The following ADIPOR1 variants were observed in gnomAD, a reference collection of about 807,000 sequenced individuals.
ADIPOR1 encodes adiponectin receptor 1.
In ADIPOR1, 15 loss-of-function variants were observed where a neutral mutation model predicts 37.5. The ratio of observed to expected loss-of-function variants is 0.40; its 90% CI spans 0.27 to 0.62. ADIPOR1 has a LOEUF of 0.62. ADIPOR1 is among the 20% of genes least tolerant of loss of function. ADIPOR1 has a pLI of 0.42. For missense variants in ADIPOR1, 286 were observed against 478.0 expected, an observed-to-expected ratio of 0.60 and a Z score of 3.75; for synonymous variants, 173 against 173.2, an observed-to-expected ratio of 1.00 and a Z score of 0.01.
At position 202,942,053 on chromosome 1, in the gene ADIPOR1, C is replaced by T. The variant is rs759555652; in HGVS notation, c.971G>A (p.Arg324His). 1.9e-6 allele frequency: 3 copies of T among 1,612,918 alleles called. No homozygotes were observed. The highest frequency in any genetic ancestry group is 2.5e-6 in the Non-Finnish European group (3 of 1,179,540). The change falls in exon 7 of 8, where the codon CGC (arginine) becomes CAC (histidine). Residue 324 changes from arginine to histidine, a missense_variant. Physicochemically the swap from Arg to His is conservative, Grantham distance 29 (BLOSUM62 0). Coordinates refer to ENST00000340990, the MANE Select transcript of ADIPOR1 (RefSeq NM_015999.6). Reference sequence around the variant, plus strand: ...TATGTCAAATTTTCCAGGAAAGAAGCGCTCAGGAATTCGAGCAGCATAAAG... The same window carrying T: ...TATGTCAAATTTTCCAGGAAAGAAGTGCTCAGGAATTCGAGCAGCATAAAG... ...AGLYAARIPERFFPGKFDIWF... is the reference protein window; with the variant it reads ...AGLYAARIPEHFFPGKFDIWF...
intron 1 of ADIPOR1, among the ~76,000 whole-genome samples, chr1:202,956,024 C>T (rs1238276628): frequency 6.6e-6 from 1 of 152,216 alleles, no homozygotes; most frequent in Non-Finnish European, 1.5e-5. Flanking sequence ...GATCCACTCG[C>T]CTCAGCCTCC....
chr1:202,949,861 A>C (rs566715029), intron 2 of ADIPOR1, among the ~76,000 whole-genome samples: 37 of 152,256 alleles, frequency 2.4e-4, no homozygotes, highest in Non-Finnish European at 4.6e-4. Context: ...TGTTACTGCA[A>C]TTTTACTCAG....
At chr1:202,957,062 T>C (rs1244263240) in intron 1 of ADIPOR1, among the ~76,000 whole-genome samples, 1 of 152,204 alleles carries the variant, frequency 6.6e-6, no homozygotes, top group Non-Finnish European at 1.5e-5. Flanking sequence ...AAGTTATTCC[T>C]GGAGTAAATA....
In ADIPOR1 at chr1:202,948,290, C is replaced by T. The variant is rs746657829; in HGVS notation, c.258+14G>A. 6.3e-7 allele frequency: 1 copy of T among 1,587,666 alleles called. No individual in the cohort carries two copies. Among genetic ancestry groups the T allele is most frequent in the East Asian group, 2.3e-5 (1 of 44,314 alleles). On this transcript the variant is annotated intron_variant, in intron 3 of 7. Coordinates refer to ENST00000340990, the MANE Select transcript of ADIPOR1 (RefSeq NM_015999.6). ...TGCCCTTCCCCTTCCAGGACAGAAGCTCATAGGCCATACCTTGTACACAAA... is the reference window on the plus strand; with the variant it reads ...TGCCCTTCCCCTTCCAGGACAGAAGTTCATAGGCCATACCTTGTACACAAA...
At chr1:202,949,066 C>T (rs1165906744) in intron 2 of ADIPOR1, among the ~76,000 whole-genome samples, 2 of 151,164 alleles carry the variant, frequency 1.3e-5, no homozygotes, top group Non-Finnish European at 2.9e-5. Context: ...GCTGGGATTA[C>T]AGGCTGAGCC....
chr1:202,949,425 A>G (rs1238750343), intron 2 of ADIPOR1, among the ~76,000 whole-genome samples: 3 of 151,664 alleles, frequency 2.0e-5, no homozygotes, highest in Admixed American at 1.3e-4. Context: ...CTAAAAATAC[A>G]AAAAATTAGC....
chr1:202,946,660 C>T (rs2102486035), intron 3 of ADIPOR1, 50 bp from the exon 4 acceptor site: 1 of 1,584,950 alleles, frequency 6.3e-7, no homozygotes, highest in African/African-American at 1.3e-5. Flanking sequence ...GTACCTTCCC[C>T]AAGGACAAGC....
At chr1:202,950,854 T>C (rs1475259423) in intron 2 of ADIPOR1, 76 bp downstream of exon 2, 2 of 1,580,400 alleles carry the variant, frequency 1.3e-6, no homozygotes, top group East Asian at 2.2e-5. Flanking sequence ...GACGGTGAGC[T>C]CTTAAAAAAG....
At chr1:202,942,383 TTTC>T (rs1479471053) in intron 6 of ADIPOR1, among the ~76,000 whole-genome samples, 165 bp from the exon 7 acceptor site, 1 of 152,234 alleles carries the variant, frequency 6.6e-6, no homozygotes, top group Non-Finnish European at 1.5e-5. Flanking sequence ...TCAACAGATA[TTTC>T]TTCTATGTCC....
At chr1:202,944,091 T>A in intron 5 of ADIPOR1, 146 bp from the exon 6 acceptor site, 1 of 677,792 alleles carries the variant, frequency 1.5e-6, no homozygotes, top group African/African-American at 1.8e-5. Flanking sequence ...ATACAATCTA[T>A]CCTGTATTCT....
chr1:202,943,902 C>A lies in ADIPOR1; in HGVS notation c.661G>T (p.Val221Phe), dbSNP rs1393878346. The A allele has an allele frequency of 6.2e-7, 1 of 1,613,908 alleles. No homozygotes were observed. The change falls in exon 6 of 8, where the codon GTC becomes TTC. Residue 221 changes from valine (V) to phenylalanine (F), a missense_variant. Val to Phe is a conservative substitution (Grantham distance 50). Transcript: ENST00000340990. ...TAGAAGGAATAATAGAGCCAGGGGACAAAGCTCCCCATAATTAGAAGAGCA... is the reference window on the plus strand; with the variant it reads ...TAGAAGGAATAATAGAGCCAGGGGAAAAAGCTCCCCATAATTAGAAGAGCA... ...GIALLIMGSF[V>F]PWLYYSFYCS...
At chr1:202,950,119 C>T (rs1422322313) in intron 2 of ADIPOR1, among the ~76,000 whole-genome samples, 3 of 151,992 alleles carry the variant, frequency 2.0e-5, no homozygotes. Flanking sequence ...ACTGCCACCA[C>T]ACCCAGCTAA....
intron 4 of ADIPOR1, 127 bp from the exon 5 acceptor site, chr1:202,945,296 G>T: frequency 2.1e-6 from 2 of 955,070 alleles, no homozygotes; most frequent in Non-Finnish European, 3.0e-6. Flanking sequence ...CAAATTAAAA[G>T]CACAATGAAA....
At position 202,941,423 on chromosome 1, in the gene ADIPOR1, G is replaced by A. The variant is rs1654077757; in HGVS notation, c.*150C>T. ...ATGGAAAGTTTATTGCCCAGTGGGT[G>A]TGAAAGTGGGCTGAAGCTTGGTTGG... is the stretch of plus-strand genomic sequence containing the variant. On this transcript the variant is annotated 3_prime_UTR_variant, in exon 8 of 8. Coordinates refer to ENST00000340990, the MANE Select transcript of ADIPOR1 (RefSeq NM_015999.6). 2 of 948,048 alleles carry A rather than the reference G, an allele frequency of 2.1e-6. No homozygotes were observed. The highest frequency in any genetic ancestry group is 3.3e-5 in the Admixed American group (1 of 30,606). 58.7% of individuals were successfully genotyped at this position (948,048 alleles called of 1,614,324 possible). A position where few individuals can be genotyped will look rare whatever the true frequency, so the allele number is the denominator to read the frequency against.
Position 202,941,420 on chromosome 1 carries a change from G to T in ADIPOR1, c.*153C>A. On this transcript the variant is annotated 3_prime_UTR_variant, in exon 8 of 8. Transcript: ENST00000340990. ...GAAATGGAAAGTTTATTGCCCAGTG[G>T]GTGTGAAAGTGGGCTGAAGCTTGGT... 2 of 867,208 alleles carry T rather than the reference G, an allele frequency of 2.3e-6. No homozygotes were observed. The highest frequency in any genetic ancestry group is 3.3e-6 in the Non-Finnish European group (2 of 599,486). 53.7% of individuals were successfully genotyped at this position (867,208 alleles called of 1,614,324 possible). A position where few individuals can be genotyped will look rare whatever the true frequency, so the allele number is the denominator to read the frequency against.
intron 1 of ADIPOR1, among the ~76,000 whole-genome samples, chr1:202,952,261 C>G (rs1470825963): frequency 6.6e-6 from 1 of 152,138 alleles, no homozygotes; most frequent in African/African-American, 2.4e-5. Context: ...GTTACCCAAG[C>G]CCCACCCAAA....
Position 202,948,424 on chromosome 1 carries a change from T to TG in ADIPOR1, c.142-5dup. The stretch of plus-strand genomic sequence containing the variant: ...GGCATGTTTGCTCTTCTTCAGCCTA[T>TG]GGGGGAAAAAACCCACAACAATCCA... On this transcript the variant is annotated splice_region_variant and splice_polypyrimidine_tract_variant and intron_variant, in intron 2 of 7. Transcript: ENST00000340990. 6.2e-7 allele frequency: 1 copy of TG among 1,612,890 alleles called. No individual in the cohort carries two copies. The highest frequency in any genetic ancestry group is 1.1e-5 in the South Asian group (1 of 91,064).
At chr1:202,948,174 T>C in intron 3 of ADIPOR1, 130 bp downstream of exon 3, 1 of 724,260 alleles carries the variant, frequency 1.4e-6, no homozygotes. Context: ...TACCTCATCT[T>C]AACCAAAAAA....
intron 1 of ADIPOR1, among the ~76,000 whole-genome samples, chr1:202,952,897 C>T (rs1311088462): frequency 1.3e-5 from 2 of 152,210 alleles, no homozygotes; most frequent in Admixed American, 6.5e-5. Context: ...TCATGCTATG[C>T]TCAACCCACA....
Sources: gnomAD v4.1 joint callset for allele counts (sites outside exome capture counted in the v4.1 genomes callset) on GRCh38, gnomAD v4.1.1 for gene constraint, MANE v1.5 for transcripts, NCBI Gene and HGNC (gene_info 2026-07-23, HGNC 2026-07-21) for gene names.